Variants in FUT4 observed in about 807,000 individuals in gnomAD.
FUT4 encodes the protein fucosyltransferase 4, also known as alpha-(1,3)-fucosyltransferase 4.
In FUT4, 1 loss-of-function variant was observed where a neutral mutation model predicts 3.8. The observed-to-expected ratio is 0.26, with a 90% CI of 0.09 to 1.25. The LOEUF (loss-of-function observed/expected upper bound fraction) is 1.25, where lower values mean the gene tolerates loss of function less well. Ranked by LOEUF, FUT4 falls within the 50% of genes most tolerant of loss-of-function variation. The pLI is 0.47. For synonymous variants in FUT4, 417 were observed against 355.3 expected (o/e 1.17, Z -1.95); for missense variants, 880 against 768.2 (o/e 1.15, Z -1.72).
chr11:94,544,381 C>G lies in FUT4; in HGVS notation c.248C>G (p.Pro83Arg), dbSNP rs747456563. Residue 83 changes from proline (P) to arginine (R), a missense_variant, in exon 1 of 1, where the codon CCC becomes CGC. Physicochemically the swap from Pro to Arg is moderately radical, Grantham distance 103. Coordinates refer to ENST00000358752, the MANE Select transcript of FUT4 (RefSeq NM_002033.4). ...GPRPLHSGTA[P>R]FHSRASGERQ... Reference sequence around the variant, plus strand: ...CGGCCTTTGCATTCTGGGACCGCCCCCTTCCATTCCCGGGCCAGCGGCGAG... The same window carrying G: ...CGGCCTTTGCATTCTGGGACCGCCCGCTTCCATTCCCGGGCCAGCGGCGAG... 5 of 1,541,656 alleles carry G rather than the reference C, an allele frequency of 3.2e-6. No homozygotes were observed. Among genetic ancestry groups the G allele is most frequent in the Non-Finnish European group, 4.3e-6 (5 of 1,152,084 alleles).
rs1204789726 is a variant in FUT4, at chr11:94,547,018, A to G, written c.*1292A>G. 1 of 167,048 alleles carries G rather than the reference A, an allele frequency of 6.0e-6. No homozygotes were observed. Among genetic ancestry groups the G allele is most frequent in the East Asian group, 1.9e-4 (1 of 5,204 alleles). The allele number at this position is 167,048 out of a possible 1,614,324, so 10.3% of individuals were successfully genotyped here. A position where few individuals can be genotyped will look rare whatever the true frequency, so the allele number is the denominator to read the frequency against. On this transcript the variant is annotated 3_prime_UTR_variant, in exon 1 of 1. Transcript: ENST00000358752. Reference sequence around the variant, plus strand: ...ATGCAGTGGTATAGCATATCCTCACATTTCTAGTGCCCTTGAGACTGTGCT... The same window carrying G: ...ATGCAGTGGTATAGCATATCCTCACGTTTCTAGTGCCCTTGAGACTGTGCT...
Position 94,547,542 on chromosome 11 carries a change from G to C in FUT4, c.*1816G>C, listed in dbSNP as rs1270552858. On this transcript the variant is annotated 3_prime_UTR_variant, in exon 1 of 1. Coordinates refer to ENST00000358752, the MANE Select transcript of FUT4 (RefSeq NM_002033.4). Reference sequence around the variant, plus strand: ...TACTTGAAAAGCTCACTTAAATCTAGGTGCTTCAATTCACTTTCTTGAGAG... The same window carrying C: ...TACTTGAAAAGCTCACTTAAATCTACGTGCTTCAATTCACTTTCTTGAGAG... The C allele has an allele frequency of 1.2e-5, 2 of 166,862 alleles. No homozygotes were observed. The highest frequency in any genetic ancestry group is 2.9e-5 in the Non-Finnish European group (2 of 68,100). 10.3% of individuals were successfully genotyped at this position (166,862 alleles called of 1,614,324 possible).
rs567818935 is a variant in FUT4, at chr11:94,544,729, G to C, written c.596G>C (p.Gly199Ala). The C allele has an allele frequency of 9.6e-5, 150 of 1,561,596 alleles. No individual in the cohort carries two copies. In the African/African-American group the frequency reaches 1.2e-3, roughly 12 times the overall value. The change falls in exon 1 of 1, where the codon GGG becomes GCG. Residue 199 changes from glycine to alanine, a missense_variant. By Grantham distance (60) the Gly-to-Ala change is moderately conservative (BLOSUM62 0). Coordinates refer to ENST00000358752, the MANE Select transcript of FUT4 (RefSeq NM_002033.4). ...VGVLLWWEPF[G>A]GRDSAPRPPP... is the part of the protein sequence containing the mutation. ...GTGCTGCTGTGGTGGGAGCCCTTCG[G>C]GGGGCGCGATAGCGCCCCGAGGCCG...
rs5793689 is a variant in FUT4, at chr11:94,548,247, AT to A, written c.*2534del. 2.2e-4 allele frequency: 32 copies of A among 147,566 alleles called. No homozygotes were observed. Among genetic ancestry groups the A allele is most frequent in the African/African-American group, 2.5e-4 (10 of 39,230 alleles). The allele number at this position is 147,566 out of a possible 1,614,324, so 9.1% of individuals were successfully genotyped here. ...ATTAGCATGAGGAAGGTATAATTGCATTTTTTTTTTTTTGAGACGGAGTCTT... is the reference window on the plus strand; with the variant it reads ...ATTAGCATGAGGAAGGTATAATTGCATTTTTTTTTTTTGAGACGGAGTCTT... On this transcript the variant is annotated 3_prime_UTR_variant, in exon 1 of 1. Coordinates refer to ENST00000358752, the MANE Select transcript of FUT4 (RefSeq NM_002033.4).
Position 94,544,449 on chromosome 11 carries a change from T to G in FUT4, c.316T>G (p.Cys106Gly), listed in dbSNP as rs763175994. 54 of 1,509,460 alleles carry G rather than the reference T, an allele frequency of 3.6e-5. No individual in the cohort carries two copies. Among genetic ancestry groups the G allele is most frequent in the Middle Eastern group, 2.2e-4 (1 of 4,512 alleles). 93.5% of individuals were successfully genotyped at this position (1,509,460 alleles called of 1,614,324 possible). The change falls in exon 1 of 1, where the codon TGC becomes GGC. Residue 106 changes from cysteine (C) to glycine (G), a missense_variant. Around this residue, in one of 3 missense-constraint regions of FUT4, gnomAD observed 447 missense variants for 339.5 expected, o/e 1.32. Transcript: ENST00000358752. ...GCCGCAGCTACAGCATGAGAGCCGGTGCCGCTCCTCCACGCCTGCGGACGC... is the reference window on the plus strand; with the variant it reads ...GCCGCAGCTACAGCATGAGAGCCGGGGCCGCTCCTCCACGCCTGCGGACGC... ...LEPQLQHESR[C>G]RSSTPADAWR...
In FUT4 at chr11:94,544,411, A is replaced by C. The variant is rs1329609422; in HGVS notation, c.278A>C (p.Gln93Pro). The change falls in exon 1 of 1, where the codon CAG becomes CCG. Residue 93 changes from glutamine (Q) to proline (P), a missense_variant. Around this residue, in one of 3 missense-constraint regions of FUT4, gnomAD observed 447 missense variants for 339.5 expected, o/e 1.32. Transcript: ENST00000358752. ...PFHSRASGER[Q>P]RRLEPQLQHE... ...CATTCCCGGGCCAGCGGCGAGCGGC[A>C]GCGACGGCTGGAGCCGCAGCTACAG... 1 of 1,528,600 alleles carries C rather than the reference A, an allele frequency of 6.5e-7. No individual in the cohort carries two copies. Among genetic ancestry groups the C allele is most frequent in the Non-Finnish European group, 8.7e-7 (1 of 1,145,836 alleles). The allele number at this position is 1,528,600 out of a possible 1,614,324, so 94.7% of individuals were successfully genotyped here. A position where few individuals can be genotyped will look rare whatever the true frequency, so the allele number is the denominator to read the frequency against.
In FUT4 at chr11:94,545,662, C is replaced by T. The variant is rs766957343; in HGVS notation, c.1529C>T (p.Ala510Val). Residue 510 changes from alanine to valine, a missense_variant, in exon 1 of 1, where the codon GCT becomes GTT. Transcript: ENST00000358752. ...WDEPWCRVCQ[A>V]VQRAGDRPKS... is the part of the protein sequence containing the mutation. ...GAGCCTTGGTGCCGGGTGTGCCAGG[C>T]TGTACAGAGGGCTGGGGACCGGCCC... is the stretch of plus-strand genomic sequence containing the variant. 3 of 1,612,624 alleles carry T rather than the reference C, an allele frequency of 1.9e-6. No individual in the cohort carries two copies. The highest frequency in any genetic ancestry group is 2.5e-6 in the Non-Finnish European group (3 of 1,180,030).
rs1947835809 is a variant in FUT4, at chr11:94,544,564, G to A, written c.431G>A (p.Arg144His). 7.7e-7 allele frequency: 1 copy of A among 1,294,372 alleles called. No homozygotes were observed. The allele number at this position is 1,294,372 out of a possible 1,614,324, so 80.2% of individuals were successfully genotyped here. A position where few individuals can be genotyped will look rare whatever the true frequency, so the allele number is the denominator to read the frequency against. Residue 144 changes from arginine to histidine, a missense_variant, in exon 1 of 1, where the codon CGC becomes CAC. Coordinates refer to ENST00000358752, the MANE Select transcript of FUT4 (RefSeq NM_002033.4). ...GCGGCGGGCGGGCGGCGCGGGTGGC[G>A]CCGAGGCCGGGGGCTGCCATGGACC... ...TAAAGGRRGW[R>H]RGRGLPWTVC... is the part of the protein sequence containing the mutation.
Position 94,544,907 on chromosome 11 carries a change from C to T in FUT4, c.774C>T (p.His258=), listed in dbSNP as rs781370418. 6 of 1,609,042 alleles carry T rather than the reference C, an allele frequency of 3.7e-6. No homozygotes were observed. The highest frequency in any genetic ancestry group is 4.5e-5 in the East Asian group (2 of 44,704). ...CCCCGCCCTGGGGCATCCAGGCGCA[C>T]ACTGCCGAGGAGGTGGATCTGCGCG... ...DWPPPWGIQA[H]TAEEVDLRVL... Residue 258 remains histidine, a synonymous_variant, in exon 1 of 1, where the codon CAC becomes CAT. Transcript: ENST00000358752.
At position 94,545,058 on chromosome 11, in the gene FUT4, C is replaced by G. The variant is rs760169253; in HGVS notation, c.925C>G (p.Leu309Val). The stretch of plus-strand genomic sequence containing the variant: ...CTCGCACTCCCCGGGGCTGCGAAGC[C>G]TGGCAAGTAACCTCTTCAACTGGAC... Reference protein sequence around the residue: ...SPSHSPGLRSLASNLFNWTLS... With the variant: ...SPSHSPGLRSVASNLFNWTLS... Residue 309 changes from leucine (L) to valine (V), a missense_variant, in exon 1 of 1, where the codon CTG becomes GTG. Around this residue, in one of 3 missense-constraint regions of FUT4, gnomAD observed 424 missense variants for 400.4 expected, o/e 1.06. Transcript: ENST00000358752. 7 of 1,612,400 alleles carry G rather than the reference C, an allele frequency of 4.3e-6. No individual in the cohort carries two copies. Among genetic ancestry groups the G allele is most frequent in the Non-Finnish European group, 5.9e-6 (7 of 1,179,600 alleles).
chr11:94,544,019 T>A lies in FUT4; in HGVS notation c.-115T>A. 2.3e-6 allele frequency: 3 copies of A among 1,310,434 alleles called. No homozygotes were observed. The highest frequency in any genetic ancestry group is 2.9e-6 in the Non-Finnish European group (3 of 1,021,618). 81.2% of individuals were successfully genotyped at this position (1,310,434 alleles called of 1,614,324 possible). A position where few individuals can be genotyped will look rare whatever the true frequency, so the allele number is the denominator to read the frequency against. ...CGAGCCTCCTGTACCTTCCCAGGGA[T>A]GAACCGGGCCTTCCCTCTGGAAGGC... On this transcript the variant is annotated 5_prime_UTR_variant, in exon 1 of 1. The change abolishes an upstream ATG in the 5' untranslated region. Transcript: ENST00000358752.
Position 94,544,510 on chromosome 11 carries a change from T to TGGGGGCACCGTG in FUT4, c.381_392dup (p.Ala128_Gly131dup). The TGGGGGCACCGTG allele has an allele frequency of 7.2e-7, 1 of 1,379,502 alleles. No individual in the cohort carries two copies. The allele number at this position is 1,379,502 out of a possible 1,614,324, so 85.5% of individuals were successfully genotyped here. ...GAGGCAGCGCTGCCTGTTCGCGCCA[T>TGGGGGCACCGTG]GGGGGCACCGTGGGGCTCGCCGACG... On this transcript the variant is annotated inframe_insertion, in exon 1 of 1. Transcript: ENST00000358752.
chr11:94,545,464 G>T lies in FUT4; in HGVS notation c.1331G>T (p.Arg444Leu), dbSNP rs770746563. ...GTGCCGGTGGTGCTGGGCCCAGACC[G>T]TGCCAACTACGAGCGCTTTGTGCCC... ...GAVPVVLGPD[R>L]ANYERFVPRG... The change falls in exon 1 of 1, where the codon CGT becomes CTT. Residue 444 changes from arginine (R) to leucine (L), a missense_variant. Arg to Leu is a moderately radical substitution (Grantham distance 102). Coordinates refer to ENST00000358752, the MANE Select transcript of FUT4 (RefSeq NM_002033.4). The T allele has an allele frequency of 1.2e-6, 2 of 1,613,326 alleles. No homozygotes were observed. Among genetic ancestry groups the T allele is most frequent in the Non-Finnish European group, 8.5e-7 (1 of 1,179,850 alleles).
In FUT4 at chr11:94,545,436, G is replaced by T. The variant is rs747813301; in HGVS notation, c.1303G>T (p.Ala435Ser). Residue 435 changes from alanine to serine, a missense_variant, in exon 1 of 1, where the codon GCG becomes TCG. Coordinates refer to ENST00000358752, the MANE Select transcript of FUT4 (RefSeq NM_002033.4). ...CTGGCGCAACGCGTTGCTCGCTGGGGCGGTGCCGGTGGTGCTGGGCCCAGA... is the reference window on the plus strand; with the variant it reads ...CTGGCGCAACGCGTTGCTCGCTGGGTCGGTGCCGGTGGTGCTGGGCCCAGA... The part of the protein sequence containing the change: ...KLWRNALLAG[A>S]VPVVLGPDRA... 26 of 1,613,172 alleles carry T rather than the reference G, an allele frequency of 1.6e-5. No individual in the cohort carries two copies. Among genetic ancestry groups the T allele is most frequent in the Non-Finnish European group, 2.1e-5 (25 of 1,179,788 alleles).
Position 94,546,044 on chromosome 11 carries a change from A to T in FUT4, c.*318A>T. The T allele has an allele frequency of 2.3e-6, 1 of 441,174 alleles. No homozygotes were observed. The highest frequency in any genetic ancestry group is 3.4e-5 in the Admixed American group (1 of 29,504). 27.3% of individuals were successfully genotyped at this position (441,174 alleles called of 1,614,324 possible). On this transcript the variant is annotated 3_prime_UTR_variant, in exon 1 of 1. Coordinates refer to ENST00000358752, the MANE Select transcript of FUT4 (RefSeq NM_002033.4). ...ATAGCTTAGCGGCAAGAAGCCGTTG[A>T]GGCGGTTTCCTGAATTTCCCCATCT...
rs1410849805 is a variant in FUT4 at position 94,548,955 on chromosome 11, G to T, written c.*3229G>T. The stretch of plus-strand genomic sequence containing the variant: ...TTTCATGTAAAGAGCATGCAGTTTG[G>T]AGTCAGAACCTGGGTATGACTCTGT... On this transcript the variant is annotated 3_prime_UTR_variant, in exon 1 of 1. Coordinates refer to ENST00000358752, the MANE Select transcript of FUT4 (RefSeq NM_002033.4). The T allele has an allele frequency of 6.0e-6, 1 of 166,960 alleles. No homozygotes were observed. 10.3% of individuals were successfully genotyped at this position (166,960 alleles called of 1,614,324 possible). A position where few individuals can be genotyped will look rare whatever the true frequency, so the allele number is the denominator to read the frequency against.
rs965119837 is a variant in FUT4, at chr11:94,544,103, G to C, written c.-31G>C. 1.5e-6 allele frequency: 2 copies of C among 1,362,944 alleles called. No homozygotes were observed. Among genetic ancestry groups the C allele is most frequent in the African/African-American group, 3.1e-5 (2 of 64,918 alleles). The allele number at this position is 1,362,944 out of a possible 1,614,324, so 84.4% of individuals were successfully genotyped here. ...CGGTGGGCGCGCGCAGAGGGAAACCGGATCAGTTGAGAGAGAATCAAGAGT... is the reference window on the plus strand; with the variant it reads ...CGGTGGGCGCGCGCAGAGGGAAACCCGATCAGTTGAGAGAGAATCAAGAGT... On this transcript the variant is annotated 5_prime_UTR_variant, in exon 1 of 1. Coordinates refer to ENST00000358752, the MANE Select transcript of FUT4 (RefSeq NM_002033.4).
In FUT4 at chr11:94,545,904, G is replaced by C; in HGVS notation, c.*178G>C. ...TACTCAGCACAGAGATGGGGGCCCG[G>C]TTTCCATATTTTTTGCACAGCTAGC... is the stretch of plus-strand genomic sequence containing the variant. On this transcript the variant is annotated 3_prime_UTR_variant, in exon 1 of 1. Transcript: ENST00000358752. 2 of 832,196 alleles carry C rather than the reference G, an allele frequency of 2.4e-6. No individual in the cohort carries two copies. The highest frequency in any genetic ancestry group is 4.1e-6 in the Non-Finnish European group (2 of 492,236). 51.6% of individuals were successfully genotyped at this position (832,196 alleles called of 1,614,324 possible). A position where few individuals can be genotyped will look rare whatever the true frequency, so the allele number is the denominator to read the frequency against.
In FUT4 at chr11:94,544,158, C is replaced by G; in HGVS notation, c.25C>G (p.Arg9Gly). The change falls in exon 1 of 1, where the codon CGG becomes GGG. Residue 9 changes from arginine (R) to glycine (G), a missense_variant. Arg to Gly is a moderately radical substitution (Grantham distance 125). This residue lies in a region of FUT4 where 447 missense variants were observed against 339.5 expected (regional missense o/e 1.32). Coordinates refer to ENST00000358752, the MANE Select transcript of FUT4 (RefSeq NM_002033.4). ...GATGAGGCGCTTGTGGGGCGCGGCC[C>G]GGAAGCCCTCGGGCGCGGGCTGGGA... Reference protein sequence around the residue: MRRLWGAARKPSGAGWEKE... With the variant: MRRLWGAAGKPSGAGWEKE... 1 of 1,389,200 alleles carries G rather than the reference C, an allele frequency of 7.2e-7. No homozygotes were observed. Among genetic ancestry groups the G allele is most frequent in the Non-Finnish European group, 9.3e-7 (1 of 1,073,506 alleles). 86.1% of individuals were successfully genotyped at this position (1,389,200 alleles called of 1,614,324 possible).
Sources: allele counts gnomAD v4.1 joint callset, GRCh38; gene constraint gnomAD v4.1.1; regional missense constraint gnomAD v4.1.1; transcripts MANE v1.5; gene names NCBI Gene and HGNC (gene_info 2026-07-23, HGNC 2026-07-21).